PYHIN1: variants seen among roughly 807,000 people sequenced by gnomAD.
PYHIN1 encodes pyrin and HIN domain family member 1.
Under a neutral mutation model 43.7 loss-of-function variants are expected in PYHIN1, and 32 were observed. That is an observed-to-expected ratio of 0.73 (90% CI 0.55 to 0.98). The LOEUF is 0.98. PYHIN1 is among the 50% of genes least tolerant of loss of function. The pLI, the probability that PYHIN1 is intolerant of heterozygous loss-of-function variation, is 0.00. For missense variants in PYHIN1, 588 were observed against 589.5 expected (o/e 1.00, Z 0.03); for synonymous variants, 205 against 203.1 (o/e 1.01, Z -0.08).
downstream of PYHIN1, among the ~76,000 whole-genome samples, chr1:158,979,936 C>T (rs369216825): frequency 6.6e-6 from 1 of 152,030 alleles, no homozygotes; most frequent in Non-Finnish European, 1.5e-5. Context: ...TTTTTGTGTC[C>T]TTGTGTACTC....
chr1:158,934,995 G>A (rs974315045), intron 1 of PYHIN1, among the ~76,000 whole-genome samples: 2 of 152,212 alleles, frequency 1.3e-5, no homozygotes, highest in South Asian at 2.1e-4. Context: ...CTCCCAAAGC[G>A]CTATGTTAAT....
At chr1:158,975,036 G>T (rs1651170752) in intron 8 of PYHIN1, among the ~76,000 whole-genome samples, 2 of 151,944 alleles carry the variant, frequency 1.3e-5, no homozygotes, top group African/African-American at 4.8e-5. Flanking sequence ...TTATTTGACT[G>T]CATCTAAACC....
rs1018127858 is a variant in PYHIN1, at chr1:158,973,723, T to C, written c.1436T>C (p.Leu479Pro). The C allele has an allele frequency of 3.1e-6, 5 of 1,613,266 alleles. No individual in the cohort carries two copies. Among genetic ancestry groups the C allele is most frequent in the South Asian group, 2.2e-5 (2 of 91,048 alleles). Residue 479 changes from leucine to proline, a missense_variant, in exon 8 of 9, where the codon CTT becomes CCT. By Grantham distance (98) the Leu-to-Pro change is moderately conservative. Transcript: ENST00000368140. ...ACCTCACCAACTGTGGCCCCTCCTC[T>C]TTCTTCTGACACTTCCACCAACCGC... is the stretch of plus-strand genomic sequence containing the variant. Reference protein sequence around the residue: ...RITSPTVAPPLSSDTSTNRHP... With the variant: ...RITSPTVAPPPSSDTSTNRHP...
chr1:158,971,324 G>A (rs1650919421), intron 7 of PYHIN1, among the ~76,000 whole-genome samples: 1 of 151,968 alleles, frequency 6.6e-6, no homozygotes, highest in African/African-American at 2.4e-5. Flanking sequence ...AGTAAAGAGA[G>A]TGATTTGATA....
At chr1:158,944,529 T>G (rs1382781692) in intron 6 of PYHIN1, among the ~76,000 whole-genome samples, 1 of 152,162 alleles carries the variant, frequency 6.6e-6, no homozygotes, top group Non-Finnish European at 1.5e-5. Context: ...AAAAGCATAG[T>G]GAGTTCTGTA....
chr1:158,944,816 A>T, intron 6 of PYHIN1, 59 bp from the exon 7 acceptor site: 1 of 1,258,498 alleles, frequency 7.9e-7, no homozygotes, highest in Non-Finnish European at 1.1e-6. Flanking sequence ...CACATATTTA[A>T]AGATGTTTTG....
At position 158,942,390 on chromosome 1, in the gene PYHIN1, G is replaced by A. The variant is rs756937345; in HGVS notation, c.993G>A (p.Met331Ile). ...GATATATTGTATATGGATTATTTAT[G>A]CTACATACGGTAAGGCATCAAAGCT... The part of the protein sequence containing the change: ...TSGYIVYGLF[M>I]LHTKIVNRKT... Residue 331 changes from methionine (M) to isoleucine (I), a missense_variant, in exon 5 of 9, where the codon ATG becomes ATA. Transcript: ENST00000368140. 41 of 1,589,308 alleles carry A rather than the reference G, an allele frequency of 2.6e-5. No individual in the cohort carries two copies. The Admixed American group carries it at 7.4e-4, about 29-fold the overall frequency.
chr1:158,944,011 A>G, intron 6 of PYHIN1, 33 bp downstream of exon 6: 1 of 1,526,044 alleles, frequency 6.6e-7, no homozygotes, highest in Non-Finnish European at 8.9e-7. Context: ...TTAGTTTTCC[A>G]AAGATGAAAA....
chr1:158,932,769 C>T (rs1349461781), intron 1 of PYHIN1, among the ~76,000 whole-genome samples: 1 of 152,098 alleles, frequency 6.6e-6, no homozygotes, highest in Admixed American at 6.5e-5. Flanking sequence ...ATGTGAAAGG[C>T]AGTTTTTTAT....
intron 7 of PYHIN1, among the ~76,000 whole-genome samples, chr1:158,965,071 A>G (rs533363849): frequency 1.6e-4 from 25 of 152,232 alleles, no homozygotes; most frequent in Non-Finnish European, 3.4e-4. Flanking sequence ...AAGCAGAAAA[A>G]AAAAACAGAG....
At chr1:158,953,874 A>T (rs1251765680) in intron 7 of PYHIN1, among the ~76,000 whole-genome samples, 1 of 148,324 alleles carries the variant, frequency 6.7e-6, no homozygotes, top group South Asian at 2.2e-4. Context: ...AAGAATGTAT[A>T]ACTAGAATAA....
chr1:158,949,247 G>A (rs1314256214), intron 7 of PYHIN1, among the ~76,000 whole-genome samples: 2 of 152,138 alleles, frequency 1.3e-5, no homozygotes, highest in Non-Finnish European at 2.9e-5. Context: ...CATCAGTAAG[G>A]CTGCCCTGCA....
intron 7 of PYHIN1, among the ~76,000 whole-genome samples, chr1:158,947,357 C>G (rs956141572): frequency 3.9e-5 from 6 of 152,308 alleles, no homozygotes; most frequent in Admixed American, 3.3e-4. Context: ...TGTTCATTAC[C>G]TATATTCCAG....
In PYHIN1 at chr1:158,942,379, G is replaced by T; in HGVS notation, c.982G>T (p.Gly328Ter). 6.2e-7 allele frequency: 1 copy of T among 1,600,260 alleles called. No homozygotes were observed. Among genetic ancestry groups the T allele is most frequent in the South Asian group, 1.1e-5 (1 of 88,060 alleles). Residue 328 changes from glycine to a stop codon, truncating the protein, a stop_gained, in exon 5 of 9, where the codon GGA becomes TGA. Coordinates refer to ENST00000368140, the MANE Select transcript of PYHIN1 (RefSeq NM_152501.5). LOFTEE classifies it high-confidence loss of function. ...ACAAACTTCAGGATATATTGTATATGGATTATTTATGCTACATACGGTAAG... is the reference window on the plus strand; with the variant it reads ...ACAAACTTCAGGATATATTGTATATTGATTATTTATGCTACATACGGTAAG... ...HKQTSGYIVYGLFMLHTKIVN... is the reference protein window; with the variant it reads ...HKQTSGYIVY
At chr1:158,964,894 C>A (rs1650539542) in intron 7 of PYHIN1, among the ~76,000 whole-genome samples, 1 of 152,076 alleles carries the variant, frequency 6.6e-6, no homozygotes, top group Non-Finnish European at 1.5e-5. Context: ...TCAATATTAA[C>A]CTTTAATGTA....
At chr1:158,971,425 G>GATAC (rs1557844899) in intron 7 of PYHIN1, among the ~76,000 whole-genome samples, 1 of 149,834 alleles carries the variant, frequency 6.7e-6, no homozygotes, top group Admixed American at 6.7e-5. Context: ...ACATTAACAA[G>GATAC]ATATATATAT....
rs534799541 is a variant in PYHIN1, at chr1:158,938,834, A to G, written c.412-246A>G. Reference sequence around the variant, plus strand: ...CGTTTGCCTATGTTTACAAAAGCCTAGTTTCTTAACTGCAAGTCAGCATAT... The same window carrying G: ...CGTTTGCCTATGTTTACAAAAGCCTGGTTTCTTAACTGCAAGTCAGCATAT... On this transcript the variant is annotated intron_variant, in intron 3 of 8. Transcript: ENST00000368140. Among the ~76,000 whole-genome samples the G allele has an allele frequency of 1.1e-4, 16 of 152,338 alleles. No individual in the cohort carries two copies. The East Asian group carries it at 2.5e-3, about 24-fold the overall frequency.
downstream of PYHIN1, among the ~76,000 whole-genome samples, chr1:158,977,543 A>T (rs1328396690): frequency 1.3e-5 from 2 of 152,146 alleles, no homozygotes; most frequent in African/African-American, 4.8e-5. Flanking sequence ...TCCATCAGAA[A>T]GTTGCCCAGG....
chr1:158,984,878 G>A, the PYHIN1 span, among the ~76,000 whole-genome samples: 2 of 151,964 alleles, frequency 1.3e-5, no homozygotes, highest in Non-Finnish European at 2.9e-5. Context: ...CTTGTTTGTA[G>A]AATTGAACTT....
Sources: gnomAD v4.1 joint callset for allele counts (sites outside exome capture counted in the v4.1 genomes callset) on GRCh38, gnomAD v4.1.1 for gene constraint, MANE v1.5 for transcripts, NCBI Gene and HGNC (gene_info 2026-07-23, HGNC 2026-07-21) for gene names.